The following ZPLD1 variants were observed in gnomAD, a reference collection of about 807,000 sequenced individuals.
The protein encoded by ZPLD1 is zona pellucida like domain containing 1, also known as zona pellucida-like domain-containing protein 1.
Under a neutral mutation model 47.2 loss-of-function variants are expected in ZPLD1, and 34 were observed. That is an observed-to-expected ratio of 0.72 (90% CI 0.55 to 0.96). The LOEUF (loss-of-function observed/expected upper bound fraction) is 0.96, where lower values mean the gene tolerates loss of function less well. Among genes scored for constraint, ZPLD1 ranks in the 40% least tolerant of loss-of-function variants. The pLI is 0.00. For missense variants in ZPLD1, 512 were observed against 505.8 expected (o/e 1.01, Z -0.12); for synonymous variants, 176 against 186.2 (o/e 0.95, Z 0.45).
chr3:102,385,894 A>C (rs1198545766), intron 6 of ZPLD1, among the ~76,000 whole-genome samples: 1 of 152,208 alleles, frequency 6.6e-6, no homozygotes, highest in Non-Finnish European at 1.5e-5. Context: ...CAAGCAAGAC[A>C]CCTGATTAGA....
rs1707521802 is a variant in ZPLD1, at chr3:102,462,374, G to C, written c.676G>C (p.Gly226Arg). 4 of 1,604,084 alleles carry C rather than the reference G, an allele frequency of 2.5e-6. No homozygotes were observed. The highest frequency in any genetic ancestry group is 1.7e-4 in the Middle Eastern group (1 of 6,052). ...FAAVQATNLD[G>R]RWNVLMDYCY... ...AGCTGTCCAAGCCACTAATTTGGAT[G>C]GCAGGTAATTTCAAACTCTTGTCTT... is the stretch of plus-strand genomic sequence containing the variant. Residue 226 changes from glycine (G) to arginine (R), a missense_variant, in exon 7 of 12, where the codon GGC becomes CGC. Coordinates refer to ENST00000466937, the MANE Select transcript of ZPLD1 (RefSeq NM_001329788.2).
At chr3:102,442,881 G>T (rs1707202871) in intron 3 of ZPLD1, among the ~76,000 whole-genome samples, 1 of 152,016 alleles carries the variant, frequency 6.6e-6, no homozygotes, top group African/African-American at 2.4e-5. Context: ...GTTAACTCTT[G>T]GTTATCCAAG....
At chr3:102,426,075 T>A (rs1706942250) in intron 8 of ZPLD1, among the ~76,000 whole-genome samples, 1 of 151,704 alleles carries the variant, frequency 6.6e-6, no homozygotes, top group South Asian at 2.1e-4. Flanking sequence ...TGAAATAGTA[T>A]AATTAGTATA....
intron 2 of ZPLD1, among the ~76,000 whole-genome samples, chr3:102,437,266 G>T (rs1158786520): frequency 1.3e-5 from 2 of 152,202 alleles, no homozygotes; most frequent in Admixed American, 6.5e-5. Flanking sequence ...GGAAGTTCCT[G>T]CTGAATTAAT....
intron 6 of ZPLD1, among the ~76,000 whole-genome samples, chr3:102,385,920 C>T (rs887269464): frequency 7.2e-5 from 11 of 152,194 alleles, no homozygotes; most frequent in Non-Finnish European, 1.6e-4. Context: ...AAACTTCTCT[C>T]CTCCTTCCTC....
intron 7 of ZPLD1, among the ~76,000 whole-genome samples, chr3:102,398,302 C>T (rs1411520573): frequency 6.6e-6 from 1 of 151,882 alleles, no homozygotes; most frequent in Non-Finnish European, 1.5e-5. Flanking sequence ...ATTCACATAC[C>T]ATATTTGAAT....
At chr3:102,460,895 G>A (rs1707496335) in intron 6 of ZPLD1, among the ~76,000 whole-genome samples, 1 of 151,536 alleles carries the variant, frequency 6.6e-6, no homozygotes, top group South Asian at 2.1e-4. Flanking sequence ...TAGATTATTT[G>A]GAGAAGTTGG....
At chr3:102,460,692 A>G (rs1207325890) in intron 6 of ZPLD1, among the ~76,000 whole-genome samples, 1 of 152,008 alleles carries the variant, frequency 6.6e-6, no homozygotes, top group South Asian at 2.1e-4. Flanking sequence ...CCACCATACA[A>G]ATTAAAGTCA....
chr3:102,461,237 C>G (rs913935216), intron 6 of ZPLD1, among the ~76,000 whole-genome samples: 1 of 151,976 alleles, frequency 6.6e-6, no homozygotes, highest in South Asian at 2.1e-4. Flanking sequence ...TTCTGCCAAA[C>G]AGCAATGTCT....
intron 6 of ZPLD1, among the ~76,000 whole-genome samples, chr3:102,460,401 C>A (rs1424207095): frequency 6.6e-6 from 1 of 151,922 alleles, no homozygotes; most frequent in Non-Finnish European, 1.5e-5. Flanking sequence ...AAACCAATGA[C>A]TTCTATCAGC....
At chr3:102,447,293 T>G (rs1036253045) in intron 3 of ZPLD1, among the ~76,000 whole-genome samples, 28 of 152,300 alleles carry the variant, frequency 1.8e-4, no homozygotes, top group African/African-American at 6.3e-4. Flanking sequence ...CTTGATCTCT[T>G]GACCTTGTGA....
chr3:102,438,391 A>T, intron 2 of ZPLD1, 89 bp from the exon 3 acceptor site: 1 of 857,670 alleles, frequency 1.2e-6, no homozygotes, highest in Non-Finnish European at 1.9e-6. Flanking sequence ...CTTATCCAAC[A>T]GTGAGCTGAG....
intron 7 of ZPLD1, among the ~76,000 whole-genome samples, chr3:102,413,910 T>C (rs1353254020): frequency 6.7e-6 from 1 of 149,374 alleles, no homozygotes; most frequent in Non-Finnish European, 1.5e-5. Flanking sequence ...CTTGATTGCT[T>C]TTTTTTTGTA....
chr3:102,465,514 CTG>C (rs144210005), intron 8 of ZPLD1, among the ~76,000 whole-genome samples: 2,328 of 152,160 alleles, frequency 0.015, 40 homozygotes, highest in Middle Eastern at 0.031. Context: ...ACAGAAAAGA[CTG>C]TAAAGAGAAA....
At chr3:102,440,393 G>A (rs965537653) in intron 3 of ZPLD1, among the ~76,000 whole-genome samples, 3 of 152,132 alleles carry the variant, frequency 2.0e-5, no homozygotes, top group Non-Finnish European at 4.4e-5. Flanking sequence ...AATTGATTTG[G>A]TTTGGGAGGT....
intron 7 of ZPLD1, among the ~76,000 whole-genome samples, chr3:102,415,045 G>A (rs1706789487): frequency 1.3e-5 from 2 of 151,832 alleles, no homozygotes; most frequent in South Asian, 4.1e-4. Flanking sequence ...GTTGAGCTGG[G>A]AAATCGATTG....
chr3:102,394,784 A>G (rs1264507642), intron 7 of ZPLD1, among the ~76,000 whole-genome samples: 2 of 152,134 alleles, frequency 1.3e-5, no homozygotes, highest in Non-Finnish European at 2.9e-5. Flanking sequence ...CACATTTGCA[A>G]ATTTCTCAGT....
intron 10 of ZPLD1, among the ~76,000 whole-genome samples, chr3:102,470,988 A>G (rs1707676047): frequency 6.6e-6 from 1 of 152,090 alleles, no homozygotes; most frequent in African/African-American, 2.4e-5. Context: ...CATGTTGCTC[A>G]GGCTGGTCTC....
At chr3:102,457,345 G>A (rs915132452) in intron 5 of ZPLD1, among the ~76,000 whole-genome samples, 2 of 152,100 alleles carry the variant, frequency 1.3e-5, no homozygotes, top group African/African-American at 4.8e-5. Flanking sequence ...ACATTCTTGA[G>A]TTTCAATTCC....
Sources: allele counts gnomAD v4.1 joint callset (sites outside exome capture counted in the v4.1 genomes callset), GRCh38; gene constraint gnomAD v4.1.1; transcripts MANE v1.5; gene names NCBI Gene and HGNC (gene_info 2026-07-23, HGNC 2026-07-21).